PCDHGA3: variants seen among roughly 807,000 people sequenced by gnomAD.
The protein encoded by PCDHGA3 is protocadherin gamma-A3.
Under a neutral mutation model 58.5 loss-of-function variants are expected in PCDHGA3, and 40 were observed. That is an observed-to-expected ratio of 0.68 (90% CI 0.53 to 0.89). PCDHGA3 has a LOEUF of 0.89. Ranked by LOEUF, PCDHGA3 falls within the 40% of genes least tolerant of loss-of-function variation. PCDHGA3 has a pLI of 0.00. For missense variants in PCDHGA3, 1,223 were observed against 1,195.9 expected, an observed-to-expected ratio of 1.02 and a Z score of -0.33; for synonymous variants, 530 against 525.7, an observed-to-expected ratio of 1.01 and a Z score of -0.11.
intron 1 of PCDHGA3, chr5:141,408,845 T>C (rs560368079): frequency 1.9e-6 from 3 of 1,613,670 alleles, no homozygotes; most frequent in Non-Finnish European, 8.5e-7. Flanking sequence ...ATTGACTGCC[T>C]TGGACGGAGG....
Position 141,345,679 on chromosome 5 carries a change from A to C in PCDHGA3, c.1646A>C (p.Asn549Thr). Residue 549 changes from asparagine (N) to threonine (T), a missense_variant, in exon 1 of 4, where the codon AAC becomes ACC. Transcript: ENST00000253812. ...NPPLSSNVSLNLFVLDQNDNA... is the reference protein window; with the variant it reads ...NPPLSSNVSLTLFVLDQNDNA... The stretch of plus-strand genomic sequence containing the variant: ...CCACTCAGCAGCAACGTGTCGCTGA[A>C]CCTGTTCGTGCTGGACCAGAACGAC... 6.2e-7 allele frequency: 1 copy of C among 1,614,070 alleles called. No homozygotes were observed. The highest frequency in any genetic ancestry group is 1.1e-5 in the South Asian group (1 of 91,070).
intron 1 of PCDHGA3, chr5:141,356,838 G>A (rs1401052082): frequency 6.2e-7 from 1 of 1,614,174 alleles, no homozygotes; most frequent in South Asian, 1.1e-5. Context: ...GCAGCAATGT[G>A]TCACTGAGCC....
Position 141,344,192 on chromosome 5 carries a change from G to A in PCDHGA3, c.159G>A (p.Gly53=). 6.2e-7 allele frequency: 1 copy of A among 1,614,020 alleles called. No homozygotes were observed. The highest frequency in any genetic ancestry group is 8.5e-7 in the Non-Finnish European group (1 of 1,179,894). ...SFVGNIANDL[G]LEPRELAERG... is the part of the protein sequence containing the mutation. ...TGGGCAACATCGCTAACGACCTGGG[G>A]CTAGAGCCCCGGGAGCTGGCGGAGC... is the stretch of plus-strand genomic sequence containing the variant. The change falls in exon 1 of 4, where the codon GGG becomes GGA. Residue 53 remains glycine (G), a synonymous_variant. Transcript: ENST00000253812.
rs2099705703 is a variant in PCDHGA3, at chr5:141,490,886, C to A, written c.2425-3921C>A. On this transcript the variant is annotated intron_variant, in intron 1 of 3. Transcript: ENST00000253812. This position sits in a 1 kb window ranked among gnomAD's most constrained non-coding sequence, Gnocchi z 5.4. The stretch of plus-strand genomic sequence containing the variant: ...TCTCCCCCATTGCATGCCAACACAT[C>A]TCTGCATGTGTTTGTCCTAGACGAG... The A allele has an allele frequency of 6.2e-7, 1 of 1,613,406 alleles. No homozygotes were observed. Among genetic ancestry groups the A allele is most frequent in the East Asian group, 2.2e-5 (1 of 44,878 alleles).
chr5:141,495,205 C>T (rs977479495), intron 2 of PCDHGA3, among the ~76,000 whole-genome samples: 1 of 152,212 alleles, frequency 6.6e-6, no homozygotes, highest in African/African-American at 2.4e-5. Flanking sequence ...TACTGCCTAA[C>T]CCCCTCCCCT....
chr5:141,450,776 C>G (rs757791026), intron 1 of PCDHGA3, among the ~76,000 whole-genome samples: 1 of 151,440 alleles, frequency 6.6e-6, no homozygotes, highest in Non-Finnish European at 1.5e-5. Flanking sequence ...CATGAGCCAC[C>G]GTGCCCGGAC....
intron 1 of PCDHGA3, among the ~76,000 whole-genome samples, chr5:141,348,196 T>C (rs1439946678): frequency 2.6e-5 from 4 of 152,250 alleles, no homozygotes; most frequent in Non-Finnish European, 5.9e-5. Flanking sequence ...AACAAAAGAA[T>C]AGATTCCTCC....
At position 141,356,033 on chromosome 5, in the gene PCDHGA3, C is replaced by T. The variant is rs766818568; in HGVS notation, c.2424+9576C>T. On this transcript the variant is annotated intron_variant, in intron 1 of 3. Coordinates refer to ENST00000253812, the MANE Select transcript of PCDHGA3 (RefSeq NM_018916.4). Reference sequence around the variant, plus strand: ...GATGAAGGAGCCAATGGAGACGTGACGTATTCTTTCCGGAAAGTAAGAGAC... The same window carrying T: ...GATGAAGGAGCCAATGGAGACGTGATGTATTCTTTCCGGAAAGTAAGAGAC... 6.2e-6 allele frequency: 10 copies of T among 1,613,946 alleles called. No homozygotes were observed. The Middle Eastern group carries it at 4.9e-4, about 80-fold the overall frequency.
In PCDHGA3 at chr5:141,511,216, C is replaced by A. The variant is rs374915167; in HGVS notation, c.*43C>A. On this transcript the variant is annotated 3_prime_UTR_variant, in exon 4 of 4. Coordinates refer to ENST00000253812, the MANE Select transcript of PCDHGA3 (RefSeq NM_018916.4). Reference sequence around the variant, plus strand: ...GAGCCACAGGGCGGCCTCTCCCCAACCAGCCCAGCTTCTCCTTACCTGCAC... The same window carrying A: ...GAGCCACAGGGCGGCCTCTCCCCAAACAGCCCAGCTTCTCCTTACCTGCAC... The A allele has an allele frequency of 6.2e-7, 1 of 1,608,004 alleles. No homozygotes were observed. The highest frequency in any genetic ancestry group is 1.3e-5 in the African/African-American group (1 of 74,736).
chr5:141,472,602 T>A (rs1032061805), intron 1 of PCDHGA3, among the ~76,000 whole-genome samples: 1 of 152,026 alleles, frequency 6.6e-6, no homozygotes, highest in South Asian at 2.1e-4. Context: ...CTTGAAATTA[T>A]AAAACAAAGA....
chr5:141,418,810 A>G lies in PCDHGA3; in HGVS notation c.2424+72353A>G, dbSNP rs149866479. The G allele has an allele frequency of 4.9e-3, 7,975 of 1,613,892 alleles. 44 individuals carry two copies. Among genetic ancestry groups the G allele is most frequent in the Admixed American group, 9.4e-3 (567 of 60,018 alleles). On this transcript the variant is annotated intron_variant, in intron 1 of 3. Coordinates refer to ENST00000253812, the MANE Select transcript of PCDHGA3 (RefSeq NM_018916.4). ...TTGAAGAAGTAGAAAGATATACGAT[A>G]AACATAGAAGCAAAAGACCGAGGAT...
intron 1 of PCDHGA3, chr5:141,403,479 A>G: frequency 1.2e-6 from 2 of 1,613,848 alleles, no homozygotes; most frequent in Non-Finnish European, 1.7e-6. Flanking sequence ...AGCCCCAATC[A>G]CCACTTCTCC....
At chr5:141,356,557 C>T in intron 1 of PCDHGA3, 1 of 1,614,138 alleles carries the variant, frequency 6.2e-7, no homozygotes, top group Non-Finnish European at 8.5e-7. Flanking sequence ...ACCCACTTTC[C>T]CTCATGCTTC....
In PCDHGA3 at chr5:141,383,143, G is replaced by T. The variant is rs371358932; in HGVS notation, c.2424+36686G>T. 1.9e-5 allele frequency: 30 copies of T among 1,614,090 alleles called. No homozygotes were observed. The African/African-American group carries it at 3.1e-4, about 16-fold the overall frequency. ...GCTTTTCGCCCTGAACCAGCGCAGC[G>T]GCAGCTTGGTCACTGCGGGCAGGAT... On this transcript the variant is annotated intron_variant, in intron 1 of 3. Coordinates refer to ENST00000253812, the MANE Select transcript of PCDHGA3 (RefSeq NM_018916.4).
intron 2 of PCDHGA3, among the ~76,000 whole-genome samples, chr5:141,502,024 C>T (rs2099812413): frequency 2.0e-5 from 3 of 152,152 alleles, no homozygotes; most frequent in Admixed American, 1.3e-4. Context: ...TCCCTGCAAC[C>T]CCCGCCGCTT....
At chr5:141,414,088 A>G in intron 1 of PCDHGA3, 3 of 1,599,384 alleles carry the variant, frequency 1.9e-6, no homozygotes, top group Non-Finnish European at 8.5e-7. Context: ...TACTGGAGAA[A>G]TAAAAATATC....
intron 1 of PCDHGA3, among the ~76,000 whole-genome samples, chr5:141,475,007 G>A (rs1017671344): frequency 2.0e-5 from 3 of 152,178 alleles, no homozygotes; most frequent in East Asian, 1.9e-4. Flanking sequence ...ATGCAGAAAA[G>A]TTAAGGCTCT....
chr5:141,413,188 A>C, intron 1 of PCDHGA3: 4 of 1,606,680 alleles, frequency 2.5e-6, no homozygotes, highest in Non-Finnish European at 3.4e-6. Flanking sequence ...GGCCGCTCAA[A>C]GGAATCGCTC....
chr5:141,412,301 T>C (rs925243467), intron 1 of PCDHGA3: 3 of 152,260 alleles, frequency 2.0e-5, no homozygotes, highest in Non-Finnish European at 2.9e-5. Context: ...TCTTTTCTCA[T>C]TACAATGCAA....
Sources: gnomAD v4.1 joint callset for allele counts (sites outside exome capture counted in the v4.1 genomes callset) on GRCh38, gnomAD v4.1.1 for gene constraint, Gnocchi (gnomAD v3.1) non-coding constraint, MANE v1.5 for transcripts, NCBI Gene and HGNC (gene_info 2026-07-23, HGNC 2026-07-21) for gene names.